DNAH9: variants seen among roughly 807,000 people sequenced by gnomAD.
DNAH9 encodes dynein axonemal heavy chain 9, also known as DNAH9 variant protein.
Under a neutral mutation model 471.6 loss-of-function variants are expected in DNAH9, and 345 were observed. The ratio of observed to expected loss-of-function variants is 0.73; its 90% CI spans 0.67 to 0.80. The LOEUF (loss-of-function observed/expected upper bound fraction) is 0.80, where lower values mean the gene tolerates loss of function less well. Among genes scored for constraint, DNAH9 ranks in the 30% least tolerant of loss-of-function variants. The probability of loss-of-function intolerance (pLI) is 0.00; values close to 1 mark genes in which losing one functional copy is unlikely to be tolerated. For missense variants in DNAH9, 5,407 were observed against 5,609.2 expected, an observed-to-expected ratio of 0.96 and a Z score of 1.15; for synonymous variants, 2,093 against 2,123.6, an observed-to-expected ratio of 0.99 and a Z score of 0.40.
intron 39 of DNAH9, among the ~76,000 whole-genome samples, chr17:11,781,822 A>T (rs1484341994): frequency 1.5e-5 from 2 of 134,516 alleles, no homozygotes; most frequent in African/African-American, 6.2e-5. Flanking sequence ...ACAGAGCGAG[A>T]CTCCATCTTA....
chr17:11,869,386 G>T, intron 51 of DNAH9, 133 bp downstream of exon 51: 1 of 1,301,456 alleles, frequency 7.7e-7, no homozygotes, highest in Non-Finnish European at 1.0e-6. Context: ...GTGCTGAAAT[G>T]CAGGAATTGA....
At chr17:11,762,788 T>G (rs58048040) in intron 35 of DNAH9, among the ~76,000 whole-genome samples, 57,562 of 121,168 alleles carry the variant, frequency 0.48, 14,430 homozygotes, top group East Asian at 0.56. Context: ...TTTTTTTTTT[T>G]TTTTTTTTTG....
Position 11,669,599 on chromosome 17 carries a change from C to G in DNAH9, c.3158C>G (p.Pro1053Arg), listed in dbSNP as rs2150728369. Residue 1053 changes from proline to arginine, a missense_variant, in exon 17 of 69, where the codon CCC becomes CGC. Physicochemically the swap from Pro to Arg is moderately radical, Grantham distance 103. Transcript: ENST00000262442. ...GAAGATGGCATCCCAGAGAACCCTC[C>G]CCTCCTTTCTCAGTTTAAAGTGCAA... ...HVEDGIPENPPLLSQFKVQID... is the reference protein window; with the variant it reads ...HVEDGIPENPRLLSQFKVQID... The G allele has an allele frequency of 3.7e-6, 6 of 1,614,122 alleles. No homozygotes were observed. The highest frequency in any genetic ancestry group is 2.7e-5 in the African/African-American group (2 of 75,028).
At chr17:11,711,613 T>C (rs1198000383) in intron 26 of DNAH9, among the ~76,000 whole-genome samples, 1 of 151,708 alleles carries the variant, frequency 6.6e-6, no homozygotes, top group Non-Finnish European at 1.5e-5. Flanking sequence ...TCCACTTTCT[T>C]TTTTTTAGCA....
intron 67 of DNAH9, among the ~76,000 whole-genome samples, chr17:11,950,986 G>A (rs568361628): frequency 1.3e-5 from 2 of 152,274 alleles, no homozygotes; most frequent in Admixed American, 6.5e-5. Context: ...GCTGAGTCAC[G>A]TTATCGGGTG....
At chr17:11,636,328 T>C (rs1380825866) in intron 8 of DNAH9, among the ~76,000 whole-genome samples, 1 of 152,192 alleles carries the variant, frequency 6.6e-6, no homozygotes, top group African/African-American at 2.4e-5. Context: ...ATTATGTAGT[T>C]CAGCTTAACC....
chr17:11,671,123 C>T (rs1351635074), intron 17 of DNAH9, among the ~76,000 whole-genome samples: 2 of 152,152 alleles, frequency 1.3e-5, no homozygotes, highest in Non-Finnish European at 2.9e-5. Flanking sequence ...TGACAGATGC[C>T]CCAGGATGGA....
chr17:11,827,550 C>G (rs1479453227), intron 48 of DNAH9, among the ~76,000 whole-genome samples: 1 of 152,202 alleles, frequency 6.6e-6, no homozygotes, highest in Non-Finnish European at 1.5e-5. Context: ...ATTCATGAGA[C>G]ATATACCTCT....
intron 59 of DNAH9, among the ~76,000 whole-genome samples, 184 bp downstream of exon 59, chr17:11,894,680 A>C (rs958611220): frequency 3.9e-5 from 6 of 152,144 alleles, no homozygotes; most frequent in African/African-American, 1.4e-4. Flanking sequence ...TGCAGAGAAG[A>C]AGCAGGTGCA....
intron 25 of DNAH9, 60 bp downstream of exon 25, chr17:11,704,502 A>G: frequency 1.9e-6 from 3 of 1,572,430 alleles, no homozygotes; most frequent in South Asian, 1.2e-5. Context: ...AGAACAGCAC[A>G]TACAGCCAAA....
intron 38 of DNAH9, among the ~76,000 whole-genome samples, chr17:11,772,759 G>C (rs1968260656): frequency 6.6e-6 from 1 of 152,188 alleles, no homozygotes; most frequent in Admixed American, 6.5e-5. Flanking sequence ...AGCACACTAA[G>C]GGATGGAGAA....
At chr17:11,606,563 C>T (rs755094270) in intron 1 of DNAH9, among the ~76,000 whole-genome samples, 1 of 103,586 alleles carries the variant, frequency 9.7e-6, no homozygotes, top group Non-Finnish European at 2.2e-5. Flanking sequence ...ATTCCCCTGC[C>T]TCAGCCTCCT....
chr17:11,814,030 T>A (rs1234630748), intron 45 of DNAH9, among the ~76,000 whole-genome samples: 1 of 152,208 alleles, frequency 6.6e-6, no homozygotes, highest in Admixed American at 6.5e-5. Flanking sequence ...CAACTGCTGG[T>A]GAAACTGTGC....
At chr17:11,600,337 T>C (rs10445265) in intron 1 of DNAH9, among the ~76,000 whole-genome samples, 151,777 of 152,270 alleles carry the variant, frequency 1, 75,647 homozygotes, top group Middle Eastern at 1. Flanking sequence ...TAGAAGAATT[T>C]GTATAAGTAG....
chr17:11,938,703 A>G (rs1490251662), intron 66 of DNAH9, among the ~76,000 whole-genome samples: 1 of 152,028 alleles, frequency 6.6e-6, no homozygotes, highest in Admixed American at 6.6e-5. Context: ...ACCTCAAGCA[A>G]TCCTTCCACC....
intron 17 of DNAH9, among the ~76,000 whole-genome samples, chr17:11,674,771 C>T (rs938870334): frequency 5.9e-5 from 9 of 152,080 alleles, no homozygotes; most frequent in Non-Finnish European, 2.9e-5. Flanking sequence ...GCCCTGATAT[C>T]CTAATGATAC....
Position 11,937,359 on chromosome 17 carries a change from A to C in DNAH9, c.12497A>C (p.Asp4166Ala). Residue 4166 changes from aspartate (D) to alanine (A), a missense_variant, in exon 66 of 69, where the codon GAT becomes GCT. This residue lies in a region of DNAH9 where 4,636 missense variants were observed against 4,900.3 expected (regional missense o/e 0.95). Transcript: ENST00000262442. This position sits in a 1 kb window ranked among gnomAD's most constrained non-coding sequence, Gnocchi z 4.1. ...MDYNGYHQYI[D>A]AELPPESPYL... ...CTTGCCCTTGATTTTCAGTACATCG[A>C]TGCTGAGCTGCCCCCAGAATCCCCC... is the stretch of plus-strand genomic sequence containing the variant. 1 of 1,607,858 alleles carries C rather than the reference A, an allele frequency of 6.2e-7. No individual in the cohort carries two copies. The highest frequency in any genetic ancestry group is 8.5e-7 in the Non-Finnish European group (1 of 1,177,316).
chr17:11,871,499 G>A (rs1317329694), intron 51 of DNAH9, 99 bp from the exon 52 acceptor site: 13 of 1,074,392 alleles, frequency 1.2e-5, no homozygotes, highest in South Asian at 2.9e-5. Flanking sequence ...GCCTCTTCCC[G>A]CTATGAAGCG....
chr17:11,606,316 G>T (rs80208018), intron 1 of DNAH9, among the ~76,000 whole-genome samples: 2 of 151,812 alleles, frequency 1.3e-5, no homozygotes, highest in East Asian at 1.9e-4. Context: ...TTTATATATT[G>T]GTAGCTTCCT....
Sources: allele counts gnomAD v4.1 joint callset (sites outside exome capture counted in the v4.1 genomes callset), GRCh38; gene constraint gnomAD v4.1.1; regional missense constraint gnomAD v4.1.1; non-coding constraint Gnocchi (gnomAD v3.1); transcripts MANE v1.5; gene names NCBI Gene and HGNC (gene_info 2026-07-23, HGNC 2026-07-21).